The following SHCBP1 variants were observed in gnomAD, a reference collection of about 807,000 sequenced individuals.
The protein encoded by SHCBP1 is SHC SH2 domain-binding protein 1.
SHCBP1 carries 60 observed loss-of-function variants against 75.1 expected under a neutral mutation model. The observed-to-expected ratio is 0.80, with a 90% CI of 0.65 to 0.99. The LOEUF (loss-of-function observed/expected upper bound fraction) is 0.99, where lower values mean the gene tolerates loss of function less well. Ranked by LOEUF, SHCBP1 falls within the 50% of genes least tolerant of loss-of-function variation. The pLI is 0.00. For synonymous variants in SHCBP1, 290 were observed against 293.2 expected (o/e 0.99, Z 0.11); for missense variants, 709 against 809.4 (o/e 0.88, Z 1.50).
At chr16:46,593,984 G>A (rs1965092827) in intron 10 of SHCBP1, among the ~76,000 whole-genome samples, 1 of 152,088 alleles carries the variant, frequency 6.6e-6, no homozygotes, top group South Asian at 2.1e-4. Context: ...CACTCTACCT[G>A]ATTTTAAGAC....
rs866377762 is a variant in SHCBP1 at position 46,615,337 on chromosome 16, G to A, written c.596+609C>T. 9.9e-4 allele frequency among the ~76,000 whole-genome samples: 151 copies of A among 152,144 alleles called. 1 individual carries two copies. The highest frequency in any genetic ancestry group is 3.3e-3 in the African/African-American group (137 of 41,420). Reference sequence around the variant, plus strand: ...ATGTTATACTCAGATTTTTGACTATGTAGGGGTGGGGGGAGATAGGCACCC... The same window carrying A: ...ATGTTATACTCAGATTTTTGACTATATAGGGGTGGGGGGAGATAGGCACCC... On this transcript the variant is annotated intron_variant, in intron 4 of 12. Coordinates refer to ENST00000303383, the MANE Select transcript of SHCBP1 (RefSeq NM_024745.5).
Position 46,621,305 on chromosome 16 carries a change from C to G in SHCBP1, c.55G>C (p.Glu19Gln), listed in dbSNP as rs1221655735. ...GGLEAAAMAP[E>Q]RMGWAVEQEL... ...TGCTCCACCGCCCAGCCCATGCGCTCCGGCGCCATGGCCGCTGCCTCCAGA... is the reference window on the plus strand; with the variant it reads ...TGCTCCACCGCCCAGCCCATGCGCTGCGGCGCCATGGCCGCTGCCTCCAGA... The change falls in exon 1 of 13, where the codon GAG becomes CAG. Residue 19 changes from glutamate (E) to glutamine (Q), a missense_variant. Transcript: ENST00000303383. The G allele has an allele frequency of 6.2e-7, 1 of 1,611,198 alleles. No homozygotes were observed. The highest frequency in any genetic ancestry group is 8.5e-7 in the Non-Finnish European group (1 of 1,179,226).
chr16:46,603,881 G>A (rs2143000517), intron 7 of SHCBP1, 94 bp downstream of exon 7: 1 of 1,485,356 alleles, frequency 6.7e-7, no homozygotes, highest in Non-Finnish European at 9.0e-7. Context: ...AACCGTCTTG[G>A]GAAAGCTCCT....
intron 2 of SHCBP1, 136 bp from the exon 3 acceptor site, chr16:46,617,885 G>A (rs1596692206): frequency 1.3e-6 from 1 of 768,202 alleles, no homozygotes; most frequent in East Asian, 2.7e-5. Context: ...AAAGATAAAA[G>A]ATGCAAAAAA....
At chr16:46,590,042 C>G (rs1308674096) in intron 10 of SHCBP1, among the ~76,000 whole-genome samples, 1 of 151,948 alleles carries the variant, frequency 6.6e-6, no homozygotes, top group African/African-American at 2.4e-5. Context: ...TGATCTTTGA[C>G]AAACCTGACA....
chr16:46,598,005 T>C (rs1965170186), intron 9 of SHCBP1, among the ~76,000 whole-genome samples: 1 of 152,242 alleles, frequency 6.6e-6, no homozygotes, highest in African/African-American at 2.4e-5. Context: ...AGCAATTCAG[T>C]CACGTCTTGA....
intron 10 of SHCBP1, among the ~76,000 whole-genome samples, chr16:46,592,978 C>CAAAAAAAAAAAAAAAAAAAAAAAAAAA (rs1473670882): frequency 3.0e-5 from 1 of 33,446 alleles, no homozygotes; most frequent in African/African-American, 1.0e-4. Flanking sequence ...AAAAAAAAAG[C>CAAAAAAAAAAAAAAAAAAAAAAAAAAA]AGAAATTCTT....
At chr16:46,601,902 C>T (rs760014582) in intron 8 of SHCBP1, among the ~76,000 whole-genome samples, 1 of 152,136 alleles carries the variant, frequency 6.6e-6, no homozygotes, top group Admixed American at 6.5e-5. Flanking sequence ...ACTATTGACA[C>T]CCTGCACATA....
chr16:46,613,808 T>A (rs1965455059), intron 4 of SHCBP1, among the ~76,000 whole-genome samples: 1 of 152,158 alleles, frequency 6.6e-6, no homozygotes, highest in Non-Finnish European at 1.5e-5. Flanking sequence ...ACATACCCCA[T>A]CCTTGACTAA....
intron 6 of SHCBP1, 35 bp from the exon 7 acceptor site, chr16:46,604,178 G>A: frequency 6.2e-7 from 1 of 1,612,948 alleles, no homozygotes; most frequent in Non-Finnish European, 8.5e-7. Context: ...CAGTAAGACA[G>A]CAAGTAAGAA....
Position 46,599,906 on chromosome 16 carries a change from C to T in SHCBP1, c.1270G>A (p.Val424Met), listed in dbSNP as rs746177302. Reference sequence around the variant, plus strand: ...TTAATATCAGCACCAGTGCAGTCCACAAAAGTGTCGCCTTTGCCCCTCTTT... The same window carrying T: ...TTAATATCAGCACCAGTGCAGTCCATAAAAGTGTCGCCTTTGCCCCTCTTT... ...IEKRGKGDTFVDCTGADIKIS... is the reference protein window; with the variant it reads ...IEKRGKGDTFMDCTGADIKIS... The change falls in exon 9 of 13, where the codon GTG becomes ATG. Residue 424 changes from valine to methionine, a missense_variant. By Grantham distance (21) the Val-to-Met change is conservative (BLOSUM62 1). Transcript: ENST00000303383. 1 of 1,613,654 alleles carries T rather than the reference C, an allele frequency of 6.2e-7. No individual in the cohort carries two copies. The highest frequency in any genetic ancestry group is 8.5e-7 in the Non-Finnish European group (1 of 1,179,888).
intron 9 of SHCBP1, among the ~76,000 whole-genome samples, chr16:46,598,657 A>C (rs1386754802): frequency 6.6e-6 from 1 of 152,234 alleles, no homozygotes; most frequent in Non-Finnish European, 1.5e-5. Flanking sequence ...TAAAGTCACC[A>C]GTTACATTCA....
chr16:46,583,907 A>C, intron 11 of SHCBP1, 96 bp downstream of exon 11: 1 of 1,204,946 alleles, frequency 8.3e-7, no homozygotes. Flanking sequence ...TATGCTTTTC[A>C]AAACCAGAAA....
intron 4 of SHCBP1, among the ~76,000 whole-genome samples, chr16:46,609,090 T>C (rs1460540179): frequency 6.6e-6 from 1 of 152,096 alleles, no homozygotes; most frequent in African/African-American, 2.4e-5. Context: ...ATCAACACAT[T>C]GATGGTGTTA....
rs1596692591 is a variant in SHCBP1 at position 46,618,265 on chromosome 16, A to T, written c.211T>A (p.Phe71Ile). The change falls in exon 2 of 13, where the codon TTC (phenylalanine) becomes ATC (isoleucine). Residue 71 changes from phenylalanine to isoleucine, a missense_variant. Physicochemically the swap from Phe to Ile is conservative, Grantham distance 21. Transcript: ENST00000303383. ...PEGKTFFPEI[F>I]QTNQLLFYER... is the part of the protein sequence containing the mutation. Reference sequence around the variant, plus strand: ...TAGAACAAAAGTTGATTTGTTTGGAAAATTTCTGGGAAAAAGGTTTTTCCT... The same window carrying T: ...TAGAACAAAAGTTGATTTGTTTGGATAATTTCTGGGAAAAAGGTTTTTCCT... The T allele has an allele frequency of 5.6e-6, 9 of 1,613,802 alleles. No homozygotes were observed. The East Asian group carries it at 2.0e-4, about 36-fold the overall frequency.
rs542187296 is a variant in SHCBP1, at chr16:46,579,511, C to T, written c.*2218G>A. On this transcript the variant is annotated 3_prime_UTR_variant, in exon 13 of 13. Coordinates refer to ENST00000303383, the MANE Select transcript of SHCBP1 (RefSeq NM_024745.5). ...AATGTTACTAACTTATCTACAAAAT[C>T]TAAACCAAGATAAAGTAGAAATTCA... 6.6e-6 allele frequency among the ~76,000 whole-genome samples: 1 copy of T among 152,218 alleles called. No individual in the cohort carries two copies. Among genetic ancestry groups the T allele is most frequent in the African/African-American group, 2.4e-5 (1 of 41,532 alleles).
chr16:46,615,204 A>G (rs1032268841), intron 4 of SHCBP1, among the ~76,000 whole-genome samples: 6 of 152,248 alleles, frequency 3.9e-5, no homozygotes, highest in Admixed American at 3.9e-4. Context: ...ATTATAAGAT[A>G]ATACACATAA....
chr16:46,594,179 G>C (rs544991933), intron 10 of SHCBP1, among the ~76,000 whole-genome samples: 1 of 152,174 alleles, frequency 6.6e-6, no homozygotes, highest in East Asian at 1.9e-4. Context: ...AGAAAATCAG[G>C]ATCTATGGCT....
chr16:46,600,193 C>G (rs934692730), intron 8 of SHCBP1, among the ~76,000 whole-genome samples: 3 of 152,092 alleles, frequency 2.0e-5, no homozygotes, highest in African/African-American at 7.2e-5. Context: ...GGAAGACTAC[C>G]CTATCAACTA....
Sources: gnomAD v4.1 joint callset for allele counts (sites outside exome capture counted in the v4.1 genomes callset) on GRCh38, gnomAD v4.1.1 for gene constraint, MANE v1.5 for transcripts, NCBI Gene and HGNC (gene_info 2026-07-23, HGNC 2026-07-21) for gene names.